Variants in EDA observed in about 807,000 individuals in gnomAD.
EDA encodes the protein ectodysplasin A, also known as ectodysplasin-A.
Under a neutral mutation model 23.6 loss-of-function variants are expected in EDA, and 2 were observed. That is an observed-to-expected ratio of 0.08 (90% CI 0.03 to 0.27). EDA has a LOEUF of 0.27. Ranked by LOEUF, EDA falls within the 10% of genes least tolerant of loss-of-function variation. EDA has a pLI of 1.00. For synonymous variants in EDA, 131 were observed against 132.0 expected, an observed-to-expected ratio of 0.99 and a Z score of 0.05; for missense variants, 229 against 324.2, an observed-to-expected ratio of 0.71 and a Z score of 2.26.
chrX:69,749,928 T>C (rs867670890), intron 1 of EDA, among the ~76,000 whole-genome samples: 17,869 of 86,464 alleles, frequency 0.21, 1,960 homozygotes, highest in Middle Eastern at 0.38. Context: ...GGTTCTTTTT[T>C]TTTTTTTTTT....
At chrX:69,821,304 C>T (rs1384771077) in intron 1 of EDA, among the ~76,000 whole-genome samples, 1 of 109,502 alleles carries the variant, frequency 9.1e-6, no homozygotes, top group Non-Finnish European at 1.9e-5. Flanking sequence ...GGACTCAATA[C>T]CTGGGTTATG....
chrX:70,034,390 T>C (rs182215579), intron 7 of EDA, among the ~76,000 whole-genome samples: 1 of 111,716 alleles, frequency 9.0e-6, no homozygotes, highest in Admixed American at 9.5e-5. Flanking sequence ...GGCACCCAAA[T>C]ATGCTGTTCC....
chrX:69,619,962 C>T (rs147336631), intron 1 of EDA, among the ~76,000 whole-genome samples: 2,070 of 111,517 alleles, frequency 0.019, 140 homozygotes, highest in Admixed American at 0.18. Context: ...GTGGCTGCTC[C>T]TCAAGAAAAG....
chrX:69,620,809 G>T (rs1320901350), intron 1 of EDA: 4 of 364,486 alleles, frequency 1.1e-5, no homozygotes, highest in African/African-American at 1.1e-4. Flanking sequence ...TACAGTTACT[G>T]TACTCAAATA....
At chrX:69,923,727 G>T (rs933994535) in intron 1 of EDA, among the ~76,000 whole-genome samples, 1 of 111,528 alleles carries the variant, frequency 9.0e-6, no homozygotes, top group African/African-American at 3.3e-5. Context: ...TTTGGTTCTA[G>T]ATCCTTGAGG....
chrX:69,885,100 T>C (rs2017808165), intron 1 of EDA, among the ~76,000 whole-genome samples: 1 of 112,588 alleles, frequency 8.9e-6, no homozygotes, highest in Admixed American at 9.4e-5. Flanking sequence ...CACGTGCTCA[T>C]TGGCCATTTG....
intron 1 of EDA, among the ~76,000 whole-genome samples, chrX:69,827,307 T>C (rs758075757): frequency 8.9e-6 from 1 of 112,228 alleles, no homozygotes; most frequent in Non-Finnish European, 1.9e-5. Flanking sequence ...TCCAACTTGG[T>C]TCCATTCTCC....
intron 1 of EDA, among the ~76,000 whole-genome samples, chrX:69,836,075 A>C (rs1440578477): frequency 2.7e-5 from 3 of 111,746 alleles, no homozygotes; most frequent in Admixed American, 9.4e-5. Context: ...GCAGAACAGC[A>C]AATATTGCTG....
chrX:69,900,480 T>C (rs1195353590), intron 1 of EDA, among the ~76,000 whole-genome samples: 2 of 108,605 alleles, frequency 1.8e-5, no homozygotes, highest in African/African-American at 3.3e-5. Flanking sequence ...CATAAATATA[T>C]AAAGTGTTAG....
chrX:69,839,454 A>G (rs1384598507), intron 1 of EDA, among the ~76,000 whole-genome samples: 1 of 112,204 alleles, frequency 8.9e-6, no homozygotes, highest in Non-Finnish European at 1.9e-5. Flanking sequence ...ACTAATTGAG[A>G]GAAAGATGGT....
At chrX:69,689,830 G>A (rs1328482452) in intron 1 of EDA, among the ~76,000 whole-genome samples, 2 of 111,287 alleles carry the variant, frequency 1.8e-5, no homozygotes, top group East Asian at 2.8e-4. Context: ...TTAGATCTTC[G>A]TTACTTTCTT....
intron 1 of EDA, among the ~76,000 whole-genome samples, chrX:69,747,583 G>A (rs754540453): frequency 9.8e-5 from 11 of 112,280 alleles, no homozygotes; most frequent in African/African-American, 2.9e-4. Flanking sequence ...GAGGTCAGCA[G>A]TGGAAGCAGA....
chrX:69,784,573 C>G (rs1424922211), intron 1 of EDA, among the ~76,000 whole-genome samples: 20 of 103,275 alleles, frequency 1.9e-4, no homozygotes, highest in East Asian at 1.8e-3. Context: ...GCTTGTTTTT[C>G]TCAGGTTTGT....
At chrX:69,953,014 G>A (rs779834667) in intron 1 of EDA, among the ~76,000 whole-genome samples, 8 of 111,495 alleles carry the variant, frequency 7.2e-5, no homozygotes, top group Non-Finnish European at 1.9e-5. Context: ...GCCTACCCTT[G>A]TAGAACTTGG....
intron 1 of EDA, among the ~76,000 whole-genome samples, chrX:69,681,168 G>T (rs755161836): frequency 8.1e-5 from 9 of 111,498 alleles, no homozygotes; most frequent in East Asian, 2.8e-4. Context: ...CTTCTGGCTT[G>T]TAGAGTTTCT....
At position 69,939,999 on chromosome X, in the gene EDA, T is replaced by C. The variant is rs187787081; in HGVS notation, c.397-17028T>C. On this transcript the variant is annotated intron_variant, in intron 1 of 7. Transcript: ENST00000374552. ...TTGAATTCAGTTTGCTAGTATTTTG[T>C]TGAGGATTTTTGTATCAATGTTTAT... Among the ~76,000 whole-genome samples, 5 of 111,599 alleles carry C rather than the reference T, an allele frequency of 4.5e-5. No homozygotes were observed. The Admixed American group carries it at 4.7e-4, about 11-fold the overall frequency.
intron 1 of EDA, among the ~76,000 whole-genome samples, chrX:69,875,346 T>A (rs2017626912): frequency 9.0e-6 from 1 of 111,617 alleles, no homozygotes; most frequent in Non-Finnish European, 1.9e-5. Context: ...AGCCAACTGA[T>A]CTTCAACAAA....
rs1324173130 is a variant in EDA, at chrX:69,616,301, C to T, written c.-8C>T. 1 of 1,183,250 alleles carries T rather than the reference C, an allele frequency of 8.5e-7. No homozygotes were observed. The highest frequency in any genetic ancestry group is 2.3e-5 in the Admixed American group (1 of 43,370). On this transcript the variant is annotated 5_prime_UTR_variant, in exon 1 of 8. Coordinates refer to ENST00000374552, the MANE Select transcript of EDA (RefSeq NM_001399.5). Reference sequence around the variant, plus strand: ...CGGGCCTCAAGAGAGTGGGTGTCTCCGGAGGCCATGGGCTACCCGGAGGTG... The same window carrying T: ...CGGGCCTCAAGAGAGTGGGTGTCTCTGGAGGCCATGGGCTACCCGGAGGTG...
intron 1 of EDA, among the ~76,000 whole-genome samples, chrX:69,869,410 A>C (rs1056322446): frequency 1.8e-5 from 2 of 110,870 alleles, no homozygotes; most frequent in African/African-American, 6.6e-5. Context: ...GTGCACAGTT[A>C]CCCTGGTAAA....
Sources: gnomAD v4.1 joint callset for allele counts (sites outside exome capture counted in the v4.1 genomes callset) on GRCh38, gnomAD v4.1.1 for gene constraint, MANE v1.5 for transcripts, NCBI Gene and HGNC (gene_info 2026-07-23, HGNC 2026-07-21) for gene names.